PTPRM: variants seen among roughly 807,000 people sequenced by gnomAD.
PTPRM encodes receptor-type tyrosine-protein phosphatase mu.
In PTPRM, 47 loss-of-function variants were observed where a neutral mutation model predicts 186.7. The ratio of observed to expected loss-of-function variants is 0.25; its 90% CI spans 0.20 to 0.32. PTPRM has a LOEUF of 0.32. PTPRM is among the 10% of genes least tolerant of loss of function. PTPRM has a pLI of 1.00. For synonymous variants in PTPRM, 668 were observed against 674.9 expected, an observed-to-expected ratio of 0.99 and a Z score of 0.16; for missense variants, 1,494 against 1,865.0, an observed-to-expected ratio of 0.80 and a Z score of 3.66.
At position 7,659,112 on chromosome 18, in the gene PTPRM, G is replaced by C. The variant is rs1316370146; in HGVS notation, c.73+91221G>C. Among the ~76,000 whole-genome samples, 9 of 133,452 alleles carry C rather than the reference G, an allele frequency of 6.7e-5. No homozygotes were observed. The East Asian group carries it at 1.4e-3, about 21-fold the overall frequency. 87.5% of individuals were successfully genotyped at this position (133,452 alleles called of 152,430 possible). A position where few individuals can be genotyped will look rare whatever the true frequency, so the allele number is the denominator to read the frequency against. ...AAATTGCAGGTATACACATGCACATGTATGTACACACACACACACACACAC... is the reference window on the plus strand; with the variant it reads ...AAATTGCAGGTATACACATGCACATCTATGTACACACACACACACACACAC... On this transcript the variant is annotated intron_variant, in intron 1 of 32. Transcript: ENST00000580170.
At chr18:8,354,603 A>T (rs183552849) in intron 23 of PTPRM, among the ~76,000 whole-genome samples, 29 of 112,368 alleles carry the variant, frequency 2.6e-4, no homozygotes, top group African/African-American at 5.6e-4. Flanking sequence ...ACATTTAAAG[A>T]TTCCTATTTT....
chr18:7,833,784 A>AC (rs750054693), intron 2 of PTPRM, among the ~76,000 whole-genome samples: 110 of 145,822 alleles, frequency 7.5e-4, no homozygotes, highest in Non-Finnish European at 8.2e-4. Context: ...AACAACAACA[A>AC]AAGCAATGCA....
chr18:8,180,945 G>A (rs893364717), intron 14 of PTPRM, among the ~76,000 whole-genome samples: 1 of 152,118 alleles, frequency 6.6e-6, no homozygotes, highest in Non-Finnish European at 1.5e-5. Context: ...TTTGATGGCG[G>A]GTGGGGGGGC....
At chr18:7,924,859 A>G (rs900911122) in intron 4 of PTPRM, among the ~76,000 whole-genome samples, 2 of 152,152 alleles carry the variant, frequency 1.3e-5, no homozygotes, top group Admixed American at 1.3e-4. Context: ...GAGATAAGGA[A>G]AGGCACAGAT....
At position 7,576,495 on chromosome 18, in the gene PTPRM, G is replaced by A. The variant is rs112893836; in HGVS notation, c.73+8604G>A. On this transcript the variant is annotated intron_variant, in intron 1 of 32. Transcript: ENST00000580170. ...TTTTTTGATTTTTTTTTCTCAAGGC[G>A]TCTTGCTCTGTCATCCAGGCTGGAG... Among the ~76,000 whole-genome samples the A allele has an allele frequency of 4.9e-4, 75 of 152,046 alleles. 1 individual carries two copies. The highest frequency in any genetic ancestry group is 8.3e-4 in the South Asian group (4 of 4,812).
intron 1 of PTPRM, among the ~76,000 whole-genome samples, chr18:7,615,118 T>G (rs2037771181): frequency 6.6e-6 from 1 of 152,212 alleles, no homozygotes; most frequent in Admixed American, 6.5e-5. Context: ...CAAAATCGTT[T>G]GTTGCTTAAC....
At chr18:8,248,877 CAT>C (rs1213495817) in intron 17 of PTPRM, among the ~76,000 whole-genome samples, 16 of 152,294 alleles carry the variant, frequency 1.1e-4, no homozygotes, top group African/African-American at 3.6e-4. Context: ...GGGCAGAATG[CAT>C]TTAAAGTATG....
At chr18:8,329,672 A>G (rs1186885111) in intron 22 of PTPRM, among the ~76,000 whole-genome samples, 1 of 151,616 alleles carries the variant, frequency 6.6e-6, no homozygotes, top group African/African-American at 2.4e-5. Flanking sequence ...GGATCAGCAC[A>G]CGATCCGGAA....
intron 7 of PTPRM, among the ~76,000 whole-genome samples, chr18:8,057,071 G>C (rs908000338): frequency 1.3e-5 from 2 of 151,008 alleles, no homozygotes; most frequent in Non-Finnish European, 2.9e-5. Context: ...GAAATCTCAT[G>C]TTGCAAAAAA....
At chr18:8,313,418 A>G (rs2095284231) in intron 20 of PTPRM, among the ~76,000 whole-genome samples, 1 of 152,184 alleles carries the variant, frequency 6.6e-6, no homozygotes. Flanking sequence ...TAAAGGACAT[A>G]TATTTTCAAA....
intron 13 of PTPRM, among the ~76,000 whole-genome samples, chr18:8,142,088 C>T (rs907151705): frequency 9.2e-5 from 14 of 152,138 alleles, no homozygotes; most frequent in African/African-American, 3.4e-4. Context: ...GGATAATTAA[C>T]ATTAATACCT....
rs372978642 is a variant in PTPRM, at chr18:8,376,613, A to G, written c.3462+16A>G. ...GCAAACAGAGGTACTCCCGCTCATC[A>G]CCTAGCCTGGGGCCTTGGTCCCTGG... On this transcript the variant is annotated intron_variant, in intron 26 of 32. Transcript: ENST00000580170. The G allele has an allele frequency of 1.5e-4, 234 of 1,605,562 alleles. 1 individual carries two copies. The African/African-American group carries it at 2.7e-3, about 19-fold the overall frequency.
intron 11 of PTPRM, among the ~76,000 whole-genome samples, chr18:8,096,662 G>T (rs2091032049): frequency 6.6e-6 from 1 of 152,190 alleles, no homozygotes; most frequent in African/African-American, 2.4e-5. Context: ...GAATTGTAAA[G>T]CTGCTCTGCC....
chr18:8,391,732 T>A (rs1302855769), intron 31 of PTPRM, among the ~76,000 whole-genome samples: 1 of 152,210 alleles, frequency 6.6e-6, no homozygotes, highest in Non-Finnish European at 1.5e-5. Flanking sequence ...GTAGGTATAT[T>A]ATACTTTAGT....
At chr18:7,733,230 T>C (rs2040698375) in intron 1 of PTPRM, among the ~76,000 whole-genome samples, 2 of 152,070 alleles carry the variant, frequency 1.3e-5, no homozygotes, top group African/African-American at 2.4e-5. Flanking sequence ...ATGCTCCCTT[T>C]TCCCTTGCCC....
intron 1 of PTPRM, among the ~76,000 whole-genome samples, chr18:7,720,942 A>T (rs1034590799): frequency 1.3e-5 from 2 of 152,104 alleles, no homozygotes; most frequent in African/African-American, 4.8e-5. Context: ...GAACATGGGT[A>T]TACAGATTTC....
chr18:7,684,444 A>G (rs1173921527), intron 1 of PTPRM, among the ~76,000 whole-genome samples: 1 of 152,176 alleles, frequency 6.6e-6, no homozygotes, highest in African/African-American at 2.4e-5. Flanking sequence ...AGTACAGCAG[A>G]TCTCTAGAAC....
intron 22 of PTPRM, among the ~76,000 whole-genome samples, chr18:8,337,579 G>A (rs1265344243): frequency 6.6e-6 from 1 of 152,214 alleles, no homozygotes; most frequent in African/African-American, 2.4e-5. Flanking sequence ...AGTTAGGCAT[G>A]AGGCCACGTT....
chr18:7,979,960 C>G (rs1399692405), intron 7 of PTPRM, among the ~76,000 whole-genome samples: 3 of 152,192 alleles, frequency 2.0e-5, no homozygotes, highest in African/African-American at 7.2e-5. Flanking sequence ...GTCTTCAGCC[C>G]AGCTCTCGCT....
Sources: allele counts gnomAD v4.1 joint callset (sites outside exome capture counted in the v4.1 genomes callset), GRCh38; gene constraint gnomAD v4.1.1; transcripts MANE v1.5; gene names NCBI Gene and HGNC (gene_info 2026-07-23, HGNC 2026-07-21).